DSCAM: variants seen among roughly 807,000 people sequenced by gnomAD.
DSCAM encodes DS cell adhesion molecule.
Under a neutral mutation model 217.7 loss-of-function variants are expected in DSCAM, and 47 were observed. The ratio of observed to expected loss-of-function variants is 0.22; its 90% confidence interval spans 0.17 to 0.28. The LOEUF (loss-of-function observed/expected upper bound fraction) is 0.28, where lower values mean the gene tolerates loss of function less well. Ranked by LOEUF, DSCAM falls within the 10% of genes least tolerant of loss-of-function variation. DSCAM has a pLI of 1.00. For synonymous variants in DSCAM, 1,056 were observed against 1,015.3 expected, an observed-to-expected ratio of 1.04 and a Z score of -0.76; for missense variants, 2,080 against 2,618.3, an observed-to-expected ratio of 0.79 and a Z score of 4.49.
At chr21:40,835,273 T>C (rs1210781740) in intron 1 of DSCAM, among the ~76,000 whole-genome samples, 6 of 152,232 alleles carry the variant, frequency 3.9e-5, no homozygotes, top group Non-Finnish European at 8.8e-5. Context: ...TGACCTACTC[T>C]ACTACAAAAT....
intron 3 of DSCAM, among the ~76,000 whole-genome samples, chr21:40,627,016 T>C (rs1235953769): frequency 6.6e-6 from 1 of 152,196 alleles, no homozygotes; most frequent in Non-Finnish European, 1.5e-5. Context: ...ATGCTCAGCC[T>C]ACTAGGAAGG....
intron 27 of DSCAM, among the ~76,000 whole-genome samples, chr21:40,065,270 G>A (rs1261031287): frequency 6.6e-6 from 1 of 152,052 alleles, no homozygotes; most frequent in Non-Finnish European, 1.5e-5. Flanking sequence ...GGGACATTAG[G>A]TGAGGCTGTT....
intron 20 of DSCAM, among the ~76,000 whole-genome samples, chr21:40,101,794 G>T (rs753256106): frequency 1.2e-4 from 18 of 151,842 alleles, no homozygotes; most frequent in African/African-American, 3.9e-4. Flanking sequence ...GGTGGGGGGG[G>T]GTCCAGGCAG....
chr21:40,660,601 T>G (rs2090128629), intron 3 of DSCAM, among the ~76,000 whole-genome samples: 1 of 152,202 alleles, frequency 6.6e-6, no homozygotes, highest in Non-Finnish European at 1.5e-5. Flanking sequence ...TGAAGAAATC[T>G]TGAAGCATTA....
chr21:40,168,320 G>A (rs1229525725), intron 15 of DSCAM, among the ~76,000 whole-genome samples: 1 of 152,182 alleles, frequency 6.6e-6, no homozygotes, highest in African/African-American at 2.4e-5. Flanking sequence ...GCATGTGTTG[G>A]AAATGTGCTA....
intron 3 of DSCAM, among the ~76,000 whole-genome samples, chr21:40,373,596 C>T (rs1335021396): frequency 6.6e-6 from 1 of 152,146 alleles, no homozygotes; most frequent in Non-Finnish European, 1.5e-5. Context: ...TGCTTTTATC[C>T]TTGTGTGTTA....
intron 3 of DSCAM, among the ~76,000 whole-genome samples, chr21:40,490,533 G>A (rs1489638246): frequency 2.0e-5 from 3 of 152,150 alleles, no homozygotes; most frequent in Admixed American, 1.3e-4. Flanking sequence ...AGAGGAAGGA[G>A]GTTAGGGTTG....
chr21:40,730,852 C>T (rs963309617), intron 1 of DSCAM, among the ~76,000 whole-genome samples: 8 of 152,016 alleles, frequency 5.3e-5, no homozygotes, highest in African/African-American at 1.9e-4. Context: ...TTACTAAAGC[C>T]CAAAACAGAA....
intron 8 of DSCAM, among the ~76,000 whole-genome samples, chr21:40,325,546 T>C (rs938396088): frequency 2.0e-5 from 3 of 152,182 alleles, no homozygotes; most frequent in African/African-American, 7.2e-5. Context: ...TTCACAATCA[T>C]TTCTAAGTAA....
chr21:40,455,653 C>T (rs952823804), intron 3 of DSCAM, among the ~76,000 whole-genome samples: 1 of 152,128 alleles, frequency 6.6e-6, no homozygotes, highest in Non-Finnish European at 1.5e-5. Context: ...CCTGTGATCC[C>T]AGCTACTGGG....
chr21:40,614,709 GCTGA>G (rs1487862543), intron 3 of DSCAM, among the ~76,000 whole-genome samples: 2 of 152,176 alleles, frequency 1.3e-5, no homozygotes, highest in African/African-American at 4.8e-5. Flanking sequence ...TAACGGAAGT[GCTGA>G]CTATCGTATG....
chr21:40,183,129 A>AGAAACCGTGGACGGGGGG (rs1568987314), intron 14 of DSCAM, among the ~76,000 whole-genome samples: 1 of 47,932 alleles, frequency 2.1e-5, no homozygotes, highest in African/African-American at 1.3e-4. Flanking sequence ...TGGACAGGAG[A>AGAAACCGTGGACGGGGGG]GGCAACAAGA....
intron 3 of DSCAM, among the ~76,000 whole-genome samples, chr21:40,480,996 G>A (rs1042944917): frequency 1.3e-5 from 2 of 152,216 alleles, no homozygotes; most frequent in African/African-American, 2.4e-5. Flanking sequence ...TCTGGGCCTA[G>A]GATGCCCTAC....
In DSCAM at chr21:40,032,979, G is replaced by A. The variant is rs193244900; in HGVS notation, c.5686+9392C>T. Among the ~76,000 whole-genome samples, 19 of 152,322 alleles carry A rather than the reference G, an allele frequency of 1.2e-4. 1 individual carries two copies. Among genetic ancestry groups the A allele is most frequent in the African/African-American group, 4.3e-4 (18 of 41,586 alleles). On this transcript the variant is annotated intron_variant, in intron 32 of 32. Transcript: ENST00000400454. The stretch of plus-strand genomic sequence containing the variant: ...ACTAACAAAGCATTGCAGAGGAGGA[G>A]GAAGAAGGCTACCCCAAACTGCTTT...
chr21:40,117,469 C>T (rs146832418), intron 20 of DSCAM, among the ~76,000 whole-genome samples: 3 of 152,112 alleles, frequency 2.0e-5, no homozygotes, highest in East Asian at 1.9e-4. Context: ...TGCTAACCTG[C>T]GTGACCCTGG....
At chr21:40,107,131 C>T (rs1381574548) in intron 20 of DSCAM, among the ~76,000 whole-genome samples, 1 of 152,182 alleles carries the variant, frequency 6.6e-6, no homozygotes, top group African/African-American at 2.4e-5. Context: ...TCTCTCTTAA[C>T]ACTGCCTTAG....
intron 11 of DSCAM, among the ~76,000 whole-genome samples, chr21:40,214,466 C>T (rs761206245): frequency 7.2e-5 from 11 of 152,146 alleles, no homozygotes; most frequent in Non-Finnish European, 1.2e-4. Context: ...GCATTGTTAG[C>T]ATTCCTTTTC....
chr21:40,544,245 C>A (rs1053373246), intron 3 of DSCAM, among the ~76,000 whole-genome samples: 4 of 152,136 alleles, frequency 2.6e-5, no homozygotes, highest in African/African-American at 7.2e-5. Context: ...GGGAGGCAGT[C>A]TATGCAAAGT....
chr21:40,110,202 C>T (rs2089878254), intron 20 of DSCAM, among the ~76,000 whole-genome samples: 2 of 152,204 alleles, frequency 1.3e-5, no homozygotes, highest in African/African-American at 2.4e-5. Flanking sequence ...CGGCCAGGTA[C>T]TCCTCTGAGA....
Sources: gnomAD v4.1 joint callset for allele counts (sites outside exome capture counted in the v4.1 genomes callset) on GRCh38, gnomAD v4.1.1 for gene constraint, MANE v1.5 for transcripts, NCBI Gene and HGNC (gene_info 2026-07-23, HGNC 2026-07-21) for gene names.